The following SLC8A1 variants were observed in gnomAD, a reference collection of about 807,000 sequenced individuals.
The protein encoded by SLC8A1 is sodium/calcium exchanger 1.
A neutral mutation model predicts 68.3 loss-of-function variants in SLC8A1; 18 were observed. The ratio of observed to expected loss-of-function variants is 0.26; its 90% CI spans 0.18 to 0.39. The LOEUF is 0.39. Ranked by LOEUF, SLC8A1 falls within the 10% of genes least tolerant of loss-of-function variation. The probability of loss-of-function intolerance (pLI) is 1.00; values close to 1 mark genes in which losing one functional copy is unlikely to be tolerated. For missense variants in SLC8A1, 985 were observed against 1,156.7 expected, an observed-to-expected ratio of 0.85 and a Z score of 2.15; for synonymous variants, 475 against 415.5, an observed-to-expected ratio of 1.14 and a Z score of -1.74.
At chr2:40,170,065 C>T (rs1162346876) in intron 4 of SLC8A1, among the ~76,000 whole-genome samples, 1 of 152,220 alleles carries the variant, frequency 6.6e-6, no homozygotes, top group East Asian at 1.9e-4. Flanking sequence ...TCAGTCTTCT[C>T]TGCAGGCTGG....
At chr2:40,337,761 T>C (rs1235821138) in intron 2 of SLC8A1, among the ~76,000 whole-genome samples, 3 of 152,176 alleles carry the variant, frequency 2.0e-5, no homozygotes, top group Non-Finnish European at 4.4e-5. Flanking sequence ...AAATATACTA[T>C]CCTGATGATT....
chr2:40,115,074 G>A (rs983926352), exon 8 of SLC8A1: 2 of 359,902 alleles, frequency 5.6e-6, no homozygotes, highest in East Asian at 4.8e-5. Flanking sequence ...ACATGATGAT[G>A]CCCCTGGGAA....
chr2:40,311,100 T>C (rs1294169396), intron 2 of SLC8A1, among the ~76,000 whole-genome samples: 2 of 152,148 alleles, frequency 1.3e-5, no homozygotes, highest in Non-Finnish European at 2.9e-5. Flanking sequence ...AGTACATTAA[T>C]AGATTAGTAT....
At chr2:40,103,785 C>T (rs567111729) in exon 8 of SLC8A1, 4 of 152,214 alleles carry the variant, frequency 2.6e-5, no homozygotes, top group East Asian at 1.9e-4. Flanking sequence ...TTTTTCCAAC[C>T]GTGCACATGG....
chr2:40,171,891 T>C (rs1326037912), intron 4 of SLC8A1, among the ~76,000 whole-genome samples: 1 of 152,234 alleles, frequency 6.6e-6, no homozygotes, highest in Non-Finnish European at 1.5e-5. Flanking sequence ...TAGGTAAAGA[T>C]CTGCAGATTC....
At chr2:40,440,549 T>G (rs900131728) in intron 1 of SLC8A1, among the ~76,000 whole-genome samples, 2 of 152,154 alleles carry the variant, frequency 1.3e-5, no homozygotes, top group African/African-American at 4.8e-5. Context: ...AACCATGAGA[T>G]AGACAGACGT....
chr2:40,340,530 C>T (rs1030273200), intron 2 of SLC8A1, among the ~76,000 whole-genome samples: 1 of 152,158 alleles, frequency 6.6e-6, no homozygotes, highest in African/African-American at 2.4e-5. Flanking sequence ...GACTGCACTC[C>T]AGCCTGGCCA....
intron 1 of SLC8A1, among the ~76,000 whole-genome samples, chr2:40,482,159 T>G (rs1704670845): frequency 1.3e-5 from 2 of 152,226 alleles, no homozygotes; most frequent in Admixed American, 6.5e-5. Context: ...TTGTTGACTA[T>G]AGCTACACCA....
intron 1 of SLC8A1, among the ~76,000 whole-genome samples, chr2:40,510,981 T>C (rs1706689173): frequency 6.6e-6 from 1 of 152,206 alleles, no homozygotes; most frequent in African/African-American, 2.4e-5. Flanking sequence ...ATTTCATCTG[T>C]ATCTGTTAAA....
At chr2:40,151,500 G>GT (rs756968083) in intron 6 of SLC8A1, among the ~76,000 whole-genome samples, 172 of 151,452 alleles carry the variant, frequency 1.1e-3, no homozygotes, top group South Asian at 0.01. Flanking sequence ...GGTTGTTGTT[G>GT]TTTTTTTTTA....
chr2:40,456,540 T>C (rs948824061), upstream of SLC8A1, among the ~76,000 whole-genome samples: 18 of 152,110 alleles, frequency 1.2e-4, no homozygotes, highest in African/African-American at 4.3e-4. Context: ...AGAATATCTG[T>C]GTTAGATTTT....
At chr2:40,364,465 T>C (rs538187654) in intron 2 of SLC8A1, among the ~76,000 whole-genome samples, 1 of 150,630 alleles carries the variant, frequency 6.6e-6, no homozygotes, top group Non-Finnish European at 1.5e-5. Context: ...AAAAAACAAT[T>C]AGAAGATTTC....
At chr2:40,402,194 A>C (rs1688946901) in intron 2 of SLC8A1, among the ~76,000 whole-genome samples, 1 of 152,166 alleles carries the variant, frequency 6.6e-6, no homozygotes, top group Admixed American at 6.5e-5. Flanking sequence ...CTCACTGCTG[A>C]TTATATGCTA....
intron 2 of SLC8A1, among the ~76,000 whole-genome samples, chr2:40,403,764 A>G (rs1559540924): frequency 6.6e-6 from 1 of 152,212 alleles, no homozygotes; most frequent in South Asian, 2.1e-4. Flanking sequence ...CTATTCATAG[A>G]AAGCATTTTG....
chr2:40,149,984 G>T (rs13385233), intron 6 of SLC8A1, among the ~76,000 whole-genome samples: 1 of 148,420 alleles, frequency 6.7e-6, no homozygotes, highest in Non-Finnish European at 1.5e-5. Flanking sequence ...GGAGCCTTGG[G>T]TTCTAAAACA....
At chr2:40,152,690 A>G (rs1251317670) in intron 6 of SLC8A1, among the ~76,000 whole-genome samples, 1 of 151,844 alleles carries the variant, frequency 6.6e-6, no homozygotes, top group Non-Finnish European at 1.5e-5. Context: ...TGCTGGGATT[A>G]CAAGTGTGAG....
chr2:40,454,314 C>T (rs2111589), upstream of SLC8A1, among the ~76,000 whole-genome samples: 3,317 of 152,206 alleles, frequency 0.022, 129 homozygotes, highest in African/African-American at 0.074. Context: ...CCATATTTCA[C>T]TGGAATAGAT....
At chr2:40,304,079 C>T (rs2072095762) in intron 2 of SLC8A1, among the ~76,000 whole-genome samples, 1 of 152,186 alleles carries the variant, frequency 6.6e-6, no homozygotes, top group South Asian at 2.1e-4. Context: ...TGCAAAATAA[C>T]AGATGCACAA....
At chr2:40,238,196 C>A (rs945177752) in intron 2 of SLC8A1, among the ~76,000 whole-genome samples, 2 of 151,838 alleles carry the variant, frequency 1.3e-5, no homozygotes, top group South Asian at 2.1e-4. Flanking sequence ...GGGCGCCCCT[C>A]CCCCAGCCTC....
Sources: allele counts gnomAD v4.1 joint callset (sites outside exome capture counted in the v4.1 genomes callset), GRCh38; gene constraint gnomAD v4.1.1; transcripts MANE v1.5; gene names NCBI Gene and HGNC (gene_info 2026-07-23, HGNC 2026-07-21).